The following UGT1A4 variants were observed in gnomAD, a reference collection of about 807,000 sequenced individuals.
UGT1A4 encodes UDP glucuronosyltransferase family 1 member A4.
A neutral mutation model predicts 41.1 loss-of-function variants in UGT1A4; 32 were observed. That is an observed-to-expected ratio of 0.78 (90% confidence interval 0.59 to 1.05). The LOEUF (loss-of-function observed/expected upper bound fraction) is 1.05. Ranked by LOEUF, UGT1A4 falls within the 50% of genes least tolerant of loss-of-function variation. UGT1A4 has a pLI of 0.00. For missense variants in UGT1A4, 748 were observed against 677.4 expected (o/e 1.10, Z -1.16); for synonymous variants, 283 against 265.1 (o/e 1.07, Z -0.66).
At chr2:233,735,436 C>T (rs1234543811) in intron 1 of UGT1A4, among the ~76,000 whole-genome samples, 1 of 152,154 alleles carries the variant, frequency 6.6e-6, no homozygotes, top group Non-Finnish European at 1.5e-5. Flanking sequence ...CTGAATACAG[C>T]ATACCGATGG....
intron 1 of UGT1A4, among the ~76,000 whole-genome samples, chr2:233,732,854 T>C (rs1024629141): frequency 3.3e-5 from 5 of 151,658 alleles, no homozygotes; most frequent in African/African-American, 9.7e-5. Context: ...TGTGAAGTCA[T>C]TGGTAGCTTG....
chr2:233,753,461 T>C (rs1419895967), intron 1 of UGT1A4: 1 of 152,272 alleles, frequency 6.6e-6, no homozygotes, highest in Non-Finnish European at 1.5e-5. Context: ...ATGATTTTTC[T>C]GTAAAAAATT....
intron 1 of UGT1A4, among the ~76,000 whole-genome samples, chr2:233,738,371 C>A (rs1337680224): frequency 1.3e-5 from 2 of 152,150 alleles, no homozygotes; most frequent in African/African-American, 4.8e-5. Context: ...TGCTATAAAA[C>A]TACTTGAAAA....
At chr2:233,764,281 G>A (rs537961109) in intron 1 of UGT1A4, among the ~76,000 whole-genome samples, 5 of 152,204 alleles carry the variant, frequency 3.3e-5, no homozygotes, top group South Asian at 2.1e-4. Context: ...TGGTCATTCC[G>A]GTAACTGTGA....
At chr2:233,771,575 T>A (rs927540192) in intron 4 of UGT1A4, 6 of 152,302 alleles carry the variant, frequency 3.9e-5, no homozygotes, top group African/African-American at 1.4e-4. Context: ...AGGTGGTTGT[T>A]TACAACTTCA....
rs752420110 is a variant in UGT1A4, at chr2:233,767,943, T to C, written c.1087+7T>C. The C allele has an allele frequency of 3.2e-5, 51 of 1,614,076 alleles. No homozygotes were observed. The highest frequency in any genetic ancestry group is 1.6e-4 in the East Asian group (7 of 44,900). On this transcript the variant is annotated splice_region_variant and intron_variant, in intron 3 of 4. Transcript: ENST00000373409. ...CCCCAAAACGATCTGCTTGGTATGT[T>C]GGGCGGATTGGATGTATAGGTCAAA...
chr2:233,772,660 A>C lies in UGT1A4; in HGVS notation c.*101A>C. Reference sequence around the variant, plus strand: ...AAATTCATTTTATTCTTATTAAGGAAATACTTTGCATAAATTAATCAGCCC... The same window carrying C: ...AAATTCATTTTATTCTTATTAAGGACATACTTTGCATAAATTAATCAGCCC... On this transcript the variant is annotated 3_prime_UTR_variant, in exon 5 of 5. Transcript: ENST00000373409. 1 of 1,542,072 alleles carries C rather than the reference A, an allele frequency of 6.5e-7. No homozygotes were observed. The highest frequency in any genetic ancestry group is 8.7e-7 in the Non-Finnish European group (1 of 1,144,950).
intron 1 of UGT1A4, among the ~76,000 whole-genome samples, chr2:233,739,443 A>C (rs965423718): frequency 3.9e-5 from 6 of 152,204 alleles, no homozygotes; most frequent in African/African-American, 7.2e-5. Flanking sequence ...TACCCTGCAA[A>C]GCCACAGGGT....
In UGT1A4 at chr2:233,768,239, C is replaced by A. The variant is rs1699593098; in HGVS notation, c.1107C>A (p.Ala369=). Residue 369 remains alanine (A), a synonymous_variant, in exon 4 of 5, where the codon GCC becomes GCA. Coordinates refer to ENST00000373409, the MANE Select transcript of UGT1A4 (RefSeq NM_007120.3). ...NDLLGHPMTR[A]FITHAGSHGV... ...TCTCAGGTCACCCGATGACCCGTGC[C>A]TTTATCACCCATGCTGGTTCCCATG... 1 of 1,614,058 alleles carries A rather than the reference C, an allele frequency of 6.2e-7. No individual in the cohort carries two copies. The highest frequency in any genetic ancestry group is 1.3e-5 in the African/African-American group (1 of 74,904).
At chr2:233,729,358 A>G in intron 1 of UGT1A4, 1 of 1,614,176 alleles carries the variant, frequency 6.2e-7, no homozygotes, top group Admixed American at 1.7e-5. Flanking sequence ...TTTCACCCTG[A>G]CAACCTATGC....
intron 2 of UGT1A4, 25 bp from the exon 3 acceptor site, chr2:233,767,822 ACG>A (rs756893991): frequency 6.2e-7 from 1 of 1,614,064 alleles, no homozygotes. Flanking sequence ...TTCTTTCTTT[ACG>A]TTCTGCTCTT....
chr2:233,767,304 G>T, intron 2 of UGT1A4, 139 bp downstream of exon 2: 23 of 1,525,164 alleles, frequency 1.5e-5, no homozygotes, highest in South Asian at 2.6e-5. Context: ...TTAATCCAAA[G>T]GTTTTTTTTG....
At chr2:233,721,765 T>C (rs974997487) in intron 1 of UGT1A4, 7 of 478,556 alleles carry the variant, frequency 1.5e-5, no homozygotes, top group South Asian at 6.1e-5. Context: ...TAAATTGTTA[T>C]ATTTAGCATT....
rs11568317 is a variant in UGT1A4 at position 233,757,117 on chromosome 2, A to G, written c.868-9917A>G. ...GAGGGAGGGGGCAAGCAGAAGGGCT[A>G]GAGAGGAGGAATGAGCTTGGACAGG... On this transcript the variant is annotated intron_variant, in intron 1 of 4. Transcript: ENST00000373409. Among the ~76,000 whole-genome samples, 108 of 151,324 alleles carry G rather than the reference A, an allele frequency of 7.1e-4. 1 individual carries two copies. In the East Asian group the frequency reaches 0.02, roughly 28 times the overall value.
intron 1 of UGT1A4, among the ~76,000 whole-genome samples, chr2:233,720,702 T>C (rs983825744): frequency 6.7e-6 from 1 of 150,354 alleles, no homozygotes; most frequent in African/African-American, 2.5e-5. Flanking sequence ...AAGGGAGCCA[T>C]CCTTTTTTTT....
intron 1 of UGT1A4, among the ~76,000 whole-genome samples, chr2:233,738,801 T>C (rs1338084324): frequency 2.0e-5 from 3 of 152,194 alleles, no homozygotes; most frequent in Non-Finnish European, 4.4e-5. Context: ...GCAGAAATAC[T>C]AGCTAAAGAA....
In UGT1A4 at chr2:233,769,723, C is replaced by G. The variant is rs1318643454; in HGVS notation, c.1307+1284C>G. On this transcript the variant is annotated intron_variant, in intron 4 of 4. Coordinates refer to ENST00000373409, the MANE Select transcript of UGT1A4 (RefSeq NM_007120.3). This position sits in a 1 kb window ranked among gnomAD's most constrained non-coding sequence, Gnocchi z 4.4. ...GATCAATGTTGGCTAGGCACCATGG[C>G]ACACGCCTGTAGTCCCAGCCACTCT... The G allele has an allele frequency of 3.1e-5, 46 of 1,484,642 alleles. No individual in the cohort carries two copies. The Middle Eastern group carries it at 1.2e-3, about 39-fold the overall frequency. 92.0% of individuals were successfully genotyped at this position (1,484,642 alleles called of 1,614,324 possible).
chr2:233,740,484 TC>T (rs1034882349), intron 1 of UGT1A4, among the ~76,000 whole-genome samples: 1 of 151,900 alleles, frequency 6.6e-6, no homozygotes, highest in African/African-American at 2.4e-5. Flanking sequence ...CATTCCCTCT[TC>T]CAGATGCTTT....
At chr2:233,763,748 T>A (rs1698392875) in intron 1 of UGT1A4, among the ~76,000 whole-genome samples, 1 of 152,112 alleles carries the variant, frequency 6.6e-6, no homozygotes, top group African/African-American at 2.4e-5. Flanking sequence ...GTGTCTTTGG[T>A]GTGTCTGAAG....
Sources: gnomAD v4.1 joint callset for allele counts (sites outside exome capture counted in the v4.1 genomes callset) on GRCh38, gnomAD v4.1.1 for gene constraint, Gnocchi (gnomAD v3.1) non-coding constraint, MANE v1.5 for transcripts, NCBI Gene and HGNC (gene_info 2026-07-23, HGNC 2026-07-21) for gene names.